The following MRPL22 variants were observed in gnomAD, a reference collection of about 807,000 sequenced individuals.
MRPL22 encodes the protein large ribosomal subunit protein uL22m.
A neutral mutation model predicts 32.4 loss-of-function variants in MRPL22; 27 were observed. That is an observed-to-expected ratio of 0.83 (90% CI 0.61 to 1.15). MRPL22 has a LOEUF of 1.15. Among genes scored for constraint, MRPL22 ranks in the 50% most tolerant of loss-of-function variants. MRPL22 has a pLI of 0.00. For missense variants in MRPL22, 239 were observed against 260.2 expected, an observed-to-expected ratio of 0.92 and a Z score of 0.56; for synonymous variants, 86 against 87.3, an observed-to-expected ratio of 0.99 and a Z score of 0.08.
intron 2 of MRPL22, among the ~76,000 whole-genome samples, chr5:154,948,846 C>T (rs1014400377): frequency 7.9e-5 from 12 of 152,294 alleles, no homozygotes; most frequent in African/African-American, 2.6e-4. Flanking sequence ...TTCAAAATAA[C>T]AAGTTGGCTC....
chr5:154,962,733 G>A (rs1764721001), intron 6 of MRPL22, among the ~76,000 whole-genome samples: 1 of 152,012 alleles, frequency 6.6e-6, no homozygotes, highest in Non-Finnish European at 1.5e-5. Flanking sequence ...AAGTGGACAG[G>A]GACTAATAAA....
intron 3 of MRPL22, among the ~76,000 whole-genome samples, chr5:154,953,621 T>G (rs1319321785): frequency 2.6e-5 from 4 of 151,744 alleles, no homozygotes; most frequent in African/African-American, 4.8e-5. Context: ...TATGGATTAG[T>G]CAGCATACTG....
intron 6 of MRPL22, among the ~76,000 whole-genome samples, chr5:154,963,352 A>G (rs946856036): frequency 6.6e-6 from 1 of 152,302 alleles, no homozygotes; most frequent in African/African-American, 2.4e-5. Flanking sequence ...TTCAAAAAGT[A>G]TTTGAGTACT....
intron 2 of MRPL22, among the ~76,000 whole-genome samples, chr5:154,942,086 CTT>C (rs1764425410): frequency 1.3e-5 from 2 of 152,038 alleles, no homozygotes. Context: ...GTACCTATCT[CTT>C]AGGATTTAAA....
At chr5:154,954,029 G>A (rs1199282454) in intron 3 of MRPL22, among the ~76,000 whole-genome samples, 1 of 142,744 alleles carries the variant, frequency 7.0e-6, no homozygotes. Flanking sequence ...TCACTCTGTT[G>A]CCCAGGCTAG....
chr5:154,942,727 A>T (rs1404654183), intron 2 of MRPL22, among the ~76,000 whole-genome samples: 1 of 152,256 alleles, frequency 6.6e-6, no homozygotes, highest in Admixed American at 6.5e-5. Flanking sequence ...TGTGCCTTCT[A>T]TGATGACTTC....
chr5:154,946,936 G>A (rs1213178298), intron 2 of MRPL22, among the ~76,000 whole-genome samples: 1 of 152,158 alleles, frequency 6.6e-6, no homozygotes, highest in Non-Finnish European at 1.5e-5. Context: ...GGTATTGCAG[G>A]CGTGAGCCAC....
intron 6 of MRPL22, among the ~76,000 whole-genome samples, chr5:154,964,614 A>G (rs1764743167): frequency 6.6e-6 from 1 of 152,232 alleles, no homozygotes; most frequent in African/African-American, 2.4e-5. Context: ...ACATAAAGAA[A>G]TGATGGCATC....
At chr5:154,962,278 C>T (rs1418456387) in intron 6 of MRPL22, among the ~76,000 whole-genome samples, 1 of 152,114 alleles carries the variant, frequency 6.6e-6, no homozygotes, top group Non-Finnish European at 1.5e-5. Context: ...GATTCCCAGG[C>T]CTCGGCACAG....
At chr5:154,954,380 C>A (rs1478135412) in intron 3 of MRPL22, among the ~76,000 whole-genome samples, 2 of 152,300 alleles carry the variant, frequency 1.3e-5, no homozygotes, top group African/African-American at 4.8e-5. Flanking sequence ...TTGATTTAGA[C>A]ATTTTATAAT....
intron 3 of MRPL22, among the ~76,000 whole-genome samples, chr5:154,954,738 T>C (rs923577224): frequency 6.6e-6 from 1 of 152,220 alleles, no homozygotes; most frequent in Non-Finnish European, 1.5e-5. Flanking sequence ...CATACAAAAT[T>C]AAGGTTTAAA....
chr5:154,969,074 T>C lies in MRPL22; in HGVS notation c.*2177T>C, dbSNP rs1764811518. ...TCCCCACCTGAAGTTTCACTTTGCA[T>C]GTTCAGTGATATGGTTTGGCTCTGT... is the stretch of plus-strand genomic sequence containing the variant. On this transcript the variant is annotated 3_prime_UTR_variant, in exon 7 of 7. Coordinates refer to ENST00000523037, the MANE Select transcript of MRPL22 (RefSeq NM_014180.4). The C allele has an allele frequency of 6.6e-6, 1 of 152,244 alleles. No individual in the cohort carries two copies. The highest frequency in any genetic ancestry group is 2.1e-4 in the South Asian group (1 of 4,824). The allele number at this position is 152,244 out of a possible 1,614,324, so 9.4% of individuals were successfully genotyped here.
At position 154,969,087 on chromosome 5, in the gene MRPL22, G is replaced by A. The variant is rs1404562395; in HGVS notation, c.*2190G>A. 6.6e-6 allele frequency: 1 copy of A among 152,194 alleles called. No homozygotes were observed. Among genetic ancestry groups the A allele is most frequent in the African/African-American group, 2.4e-5 (1 of 41,434 alleles). The allele number at this position is 152,194 out of a possible 1,614,324, so 9.4% of individuals were successfully genotyped here. A position where few individuals can be genotyped will look rare whatever the true frequency, so the allele number is the denominator to read the frequency against. On this transcript the variant is annotated 3_prime_UTR_variant, in exon 7 of 7. Transcript: ENST00000523037. ...TTTCACTTTGCATGTTCAGTGATAT[G>A]GTTTGGCTCTGTGTTCCCACCCAAT...
At position 154,956,499 on chromosome 5, in the gene MRPL22, C is replaced by T. The variant is rs1561740916; in HGVS notation, c.261+63C>T. 8 of 1,048,110 alleles carry T rather than the reference C, an allele frequency of 7.6e-6. No individual in the cohort carries two copies. In the East Asian group the frequency reaches 1.5e-4, roughly 19 times the overall value. The allele number at this position is 1,048,110 out of a possible 1,614,324, so 64.9% of individuals were successfully genotyped here. On this transcript the variant is annotated intron_variant, in intron 4 of 6. Transcript: ENST00000523037. ...TAGGAAAGAAGCTATGAGTTCCCCT[C>T]CCCACCCCTCACCCCAGGATTTGAA...
At chr5:154,954,719 G>T (rs1764609257) in intron 3 of MRPL22, among the ~76,000 whole-genome samples, 1 of 152,148 alleles carries the variant, frequency 6.6e-6, no homozygotes, top group Non-Finnish European at 1.5e-5. Flanking sequence ...TGTAAAATTT[G>T]AGGGTAATCA....
At chr5:154,962,217 T>C (rs1172078609) in intron 6 of MRPL22, among the ~76,000 whole-genome samples, 1 of 152,190 alleles carries the variant, frequency 6.6e-6, no homozygotes, top group Non-Finnish European at 1.5e-5. Context: ...TATCCCTGTA[T>C]TTGCCAAGCT....
At position 154,941,127 on chromosome 5, in the gene MRPL22, T is replaced by C. The variant is rs552017317; in HGVS notation, c.17T>C (p.Leu6Pro). MAAAV[L>P]GQLGALWIHN... The stretch of plus-strand genomic sequence containing the variant: ...GGGCGAAAGATGGCGGCGGCAGTAC[T>C]GGGACAGTTGGGTAAGGATTTCTTA... Residue 6 changes from leucine to proline, a missense_variant, in exon 1 of 7, where the codon CTG becomes CCG. Physicochemically the swap from Leu to Pro is moderately conservative, Grantham distance 98 (BLOSUM62 -3). Coordinates refer to ENST00000523037, the MANE Select transcript of MRPL22 (RefSeq NM_014180.4). 16 of 1,613,986 alleles carry C rather than the reference T, an allele frequency of 9.9e-6. No individual in the cohort carries two copies. The East Asian group carries it at 1.8e-4, about 18-fold the overall frequency.
In MRPL22 at chr5:154,967,316, C is replaced by A. The variant is rs1764783101; in HGVS notation, c.*419C>A. 2 of 183,898 alleles carry A rather than the reference C, an allele frequency of 1.1e-5. No homozygotes were observed. The highest frequency in any genetic ancestry group is 2.3e-5 in the Non-Finnish European group (2 of 87,382). 11.4% of individuals were successfully genotyped at this position (183,898 alleles called of 1,614,324 possible). On this transcript the variant is annotated 3_prime_UTR_variant, in exon 7 of 7. Coordinates refer to ENST00000523037, the MANE Select transcript of MRPL22 (RefSeq NM_014180.4). This position sits in a 1 kb window ranked among gnomAD's most constrained non-coding sequence, Gnocchi z 4.7. ...AGAGTGGCTGCATGTTGTTTCATTA[C>A]AGTATTTTAGGGTGTTCAGTGGTAC...
chr5:154,952,133 G>T (rs1004220620), intron 3 of MRPL22, among the ~76,000 whole-genome samples: 1 of 151,258 alleles, frequency 6.6e-6, no homozygotes, highest in South Asian at 2.1e-4. Context: ...CGCCTGCCTC[G>T]GCCTCCCAAA....
Sources: allele counts gnomAD v4.1 joint callset (sites outside exome capture counted in the v4.1 genomes callset), GRCh38; gene constraint gnomAD v4.1.1; non-coding constraint Gnocchi (gnomAD v3.1); transcripts MANE v1.5; gene names NCBI Gene and HGNC (gene_info 2026-07-23, HGNC 2026-07-21).